AP4S1: variants seen among roughly 807,000 people sequenced by gnomAD.
AP4S1 encodes adaptor related protein complex 4 subunit sigma 1, also known as AP-4 complex subunit sigma-1.
A neutral mutation model predicts 19.8 loss-of-function variants in AP4S1; 23 were observed. That is an observed-to-expected ratio of 1.16 (90% CI 0.84 to 1.65). The LOEUF is 1.65. AP4S1 is among the 40% of genes most tolerant of loss of function. The pLI is 0.00. For synonymous variants in AP4S1, 46 were observed against 54.1 expected (o/e 0.85, Z 0.66); for missense variants, 166 against 172.8 (o/e 0.96, Z 0.22).
chr14:31,052,016 A>G (rs1885825319), intron 1 of AP4S1, among the ~76,000 whole-genome samples: 3 of 152,312 alleles, frequency 2.0e-5, no homozygotes, highest in African/African-American at 7.2e-5. Flanking sequence ...CACTCCTATA[A>G]TGCCAGCACT....
rs374680576 is a variant in AP4S1 at position 31,030,578 on chromosome 14, G to A, written c.-72+4791G>A. ...TGCCAGGGTTGATCTCTAACTCCTGGCCTCAAGCAGTCCTCCTTCCTTGGC... is the reference window on the plus strand; with the variant it reads ...TGCCAGGGTTGATCTCTAACTCCTGACCTCAAGCAGTCCTCCTTCCTTGGC... On this transcript the variant is annotated intron_variant, in intron 1 of 5. Transcript: ENST00000542754. Among the ~76,000 whole-genome samples, 244 of 152,110 alleles carry A rather than the reference G, an allele frequency of 1.6e-3. 9 individuals carry two copies. In the South Asian group the frequency reaches 0.049, roughly 31 times the overall value.
Position 31,073,383 on chromosome 14 carries a change from C to G in AP4S1, c.294+410C>G, listed in dbSNP as rs113744487. 1.4e-3 allele frequency among the ~76,000 whole-genome samples: 183 copies of G among 131,876 alleles called. 1 individual carries two copies. Among genetic ancestry groups the G allele is most frequent in the East Asian group, 7.5e-3 (33 of 4,398 alleles). 86.5% of individuals were successfully genotyped at this position (131,876 alleles called of 152,430 possible). The stretch of plus-strand genomic sequence containing the variant: ...TGGGCGCCTGTAGTCCCAGCTACTC[C>G]GGAGGCTGAGGCAGGAGAATGGCGT... On this transcript the variant is annotated intron_variant, in intron 4 of 5. Transcript: ENST00000542754.
At chr14:31,035,879 C>A (rs1466636170) in intron 1 of AP4S1, among the ~76,000 whole-genome samples, 1 of 151,812 alleles carries the variant, frequency 6.6e-6, no homozygotes, top group Non-Finnish European at 1.5e-5. Flanking sequence ...TACAGGTGCC[C>A]GCCACAAGGC....
chr14:31,065,500 A>C (rs3825741), intron 1 of AP4S1, among the ~76,000 whole-genome samples: 118,784 of 152,106 alleles, frequency 0.78, 46,629 homozygotes, highest in Admixed American at 0.82. Flanking sequence ...TTACTATTTC[A>C]TCTTCACATT....
At chr14:31,090,813 A>G (rs1358117061) in intron 5 of AP4S1, among the ~76,000 whole-genome samples, 1 of 152,250 alleles carries the variant, frequency 6.6e-6, no homozygotes, top group African/African-American at 2.4e-5. Flanking sequence ...GAGTCACAAG[A>G]TTCCAGGGGG....
intron 1 of AP4S1, among the ~76,000 whole-genome samples, chr14:31,045,887 C>A (rs1369018627): frequency 6.6e-6 from 1 of 151,670 alleles, no homozygotes; most frequent in Non-Finnish European, 1.5e-5. Flanking sequence ...TAGGAAAGAC[C>A]AAGTGATGAG....
intron 1 of AP4S1, among the ~76,000 whole-genome samples, chr14:31,063,593 C>A (rs1886558476): frequency 6.6e-6 from 1 of 152,100 alleles, no homozygotes; most frequent in Non-Finnish European, 1.5e-5. Context: ...GTACTCCAGC[C>A]TGGGCCAGTA....
At chr14:31,051,360 A>C (rs1885782923) in intron 1 of AP4S1, among the ~76,000 whole-genome samples, 2 of 152,170 alleles carry the variant, frequency 1.3e-5, no homozygotes, top group African/African-American at 4.8e-5. Context: ...GCTACTCAGA[A>C]CAGCGTGCAG....
intron 1 of AP4S1, among the ~76,000 whole-genome samples, chr14:31,030,365 T>C (rs895112591): frequency 2.0e-5 from 3 of 152,176 alleles, no homozygotes; most frequent in African/African-American, 7.2e-5. Context: ...TACTCAATTT[T>C]TGCTTTATTC....
At chr14:31,060,220 G>A (rs940757423) in intron 1 of AP4S1, among the ~76,000 whole-genome samples, 3 of 151,844 alleles carry the variant, frequency 2.0e-5, no homozygotes, top group African/African-American at 2.4e-5. Flanking sequence ...AAACACAGAT[G>A]GAAAATACAG....
rs186574407 is a variant in AP4S1, at chr14:31,030,007, A to T, written c.-72+4220A>T. 1.0e-3 allele frequency among the ~76,000 whole-genome samples: 147 copies of T among 147,572 alleles called. 1 individual carries two copies. In the East Asian group the frequency reaches 0.013, roughly 13 times the overall value. On this transcript the variant is annotated intron_variant, in intron 1 of 5. Transcript: ENST00000542754. ...TTTTTTTTTTCTTTTTTGAGACTGG[A>T]TCTCACTCTGTCACCCAGGCTGGAG...
At chr14:31,039,840 C>G (rs187250986) in intron 1 of AP4S1, among the ~76,000 whole-genome samples, 1 of 151,956 alleles carries the variant, frequency 6.6e-6, no homozygotes, top group Non-Finnish European at 1.5e-5. Context: ...CCGCCCGTCT[C>G]GGCCTCCCAA....
chr14:31,082,354 T>C (rs537187543), intron 5 of AP4S1, among the ~76,000 whole-genome samples: 1 of 152,334 alleles, frequency 6.6e-6, no homozygotes, highest in Non-Finnish European at 1.5e-5. Context: ...ATATTTTTAT[T>C]CAACATGTAA....
At chr14:31,037,443 T>G (rs1057258971) in intron 1 of AP4S1, among the ~76,000 whole-genome samples, 4 of 152,158 alleles carry the variant, frequency 2.6e-5, no homozygotes, top group Admixed American at 6.6e-5. Context: ...TTGCTTCTCT[T>G]CACTCTTGCA....
rs768444730 is a variant in AP4S1, at chr14:31,080,631, C to A, written c.306+47C>A. 7 of 1,613,078 alleles carry A rather than the reference C, an allele frequency of 4.3e-6. No homozygotes were observed. The African/African-American group carries it at 9.3e-5, about 22-fold the overall frequency. ...TTCCACAGTACTTGGCAAATGCACT[C>A]TGGTCCTTATCAGGTAAGTACCACA... is the stretch of plus-strand genomic sequence containing the variant. On this transcript the variant is annotated intron_variant, in intron 5 of 5. Transcript: ENST00000542754.
intron 1 of AP4S1, among the ~76,000 whole-genome samples, chr14:31,029,629 G>A (rs1031153639): frequency 6.6e-6 from 1 of 152,046 alleles, no homozygotes; most frequent in Non-Finnish European, 1.5e-5. Context: ...ACCAACCTGG[G>A]CAACATGGCA....
At chr14:31,036,177 A>T (rs1884762341) in intron 1 of AP4S1, among the ~76,000 whole-genome samples, 1 of 143,670 alleles carries the variant, frequency 7.0e-6, no homozygotes. Flanking sequence ...AATTAGTAAC[A>T]AAAAAGAAAA....
chr14:31,043,626 C>G (rs1200000688), intron 1 of AP4S1, among the ~76,000 whole-genome samples: 2 of 152,130 alleles, frequency 1.3e-5, no homozygotes, highest in African/African-American at 4.8e-5. Context: ...ACAGAGTTAA[C>G]GTTATTCATA....
chr14:31,047,096 A>G (rs540114943), intron 1 of AP4S1, among the ~76,000 whole-genome samples: 10 of 152,286 alleles, frequency 6.6e-5, no homozygotes, highest in Non-Finnish European at 1.2e-4. Context: ...TATTTTCCCA[A>G]TGATTAAGGG....
Sources: allele counts gnomAD v4.1 joint callset (sites outside exome capture counted in the v4.1 genomes callset), GRCh38; gene constraint gnomAD v4.1.1; transcripts MANE v1.5; gene names NCBI Gene and HGNC (gene_info 2026-07-23, HGNC 2026-07-21).